Variants in LZTS1 observed in about 807,000 individuals in gnomAD.
LZTS1 encodes the protein leucine zipper tumor suppressor 1.
Under a neutral mutation model 45.8 loss-of-function variants are expected in LZTS1, and 31 were observed. The observed-to-expected ratio is 0.68, with a 90% CI of 0.51 to 0.91. The LOEUF is 0.91. Among genes scored for constraint, LZTS1 ranks in the 40% least tolerant of loss-of-function variants. LZTS1 has a pLI of 0.00. For missense variants in LZTS1, 821 were observed against 788.9 expected (o/e 1.04, Z -0.49); for synonymous variants, 359 against 357.3 (o/e 1.00, Z -0.05).
chr8:20,288,149 T>A (rs1800826368), intron 1 of LZTS1, among the ~76,000 whole-genome samples: 2 of 152,180 alleles, frequency 1.3e-5, no homozygotes, highest in African/African-American at 4.8e-5. Flanking sequence ...GCTTTCCTGG[T>A]GTTGTCAGCT....
Position 20,249,837 on chromosome 8 carries a change from C to G in LZTS1, c.1676G>C (p.Arg559Pro). The change falls in exon 4 of 4, where the codon CGC becomes CCC. Residue 559 changes from arginine to proline, a missense_variant. Coordinates refer to ENST00000381569, the MANE Select transcript of LZTS1 (RefSeq NM_021020.5). ...SYVAMYQRNQ[R>P]LEKALQQLAR... ...CAGCTGCTGCAGGGCCTTCTCCAGG[C>G]GCTGGTTCCGCTGGTACATGGCCAC... The G allele has an allele frequency of 1.2e-6, 2 of 1,614,186 alleles. No individual in the cohort carries two copies. Among genetic ancestry groups the G allele is most frequent in the Admixed American group, 1.7e-5 (1 of 60,030 alleles).
intron 1 of LZTS1, among the ~76,000 whole-genome samples, 185 bp downstream of exon 1, chr8:20,303,555 G>C (rs1156651069): frequency 1.3e-5 from 2 of 151,558 alleles, no homozygotes; most frequent in Non-Finnish European, 2.9e-5. Flanking sequence ...CCACCCTGCA[G>C]AGGGGAGACC....
chr8:20,252,251 G>A (rs1182061431), intron 3 of LZTS1, among the ~76,000 whole-genome samples: 1 of 152,098 alleles, frequency 6.6e-6, no homozygotes, highest in Non-Finnish European at 1.5e-5. Context: ...TCCTCTCCTA[G>A]GTTTCCATCT....
At chr8:20,251,955 G>C (rs1799930431) in intron 3 of LZTS1, among the ~76,000 whole-genome samples, 1 of 152,158 alleles carries the variant, frequency 6.6e-6, no homozygotes, top group African/African-American at 2.4e-5. Flanking sequence ...CTTGCACATA[G>C]CCAGGGGTTT....
intron 1 of LZTS1, among the ~76,000 whole-genome samples, chr8:20,287,042 G>T (rs1800804550): frequency 7.1e-6 from 1 of 140,212 alleles, no homozygotes; most frequent in Non-Finnish European, 1.5e-5. Flanking sequence ...GTTCACCTAT[G>T]GTTTGTGCAC....
Position 20,249,989 on chromosome 8 carries a change from C to G in LZTS1, c.1524G>C (p.Arg508=), listed in dbSNP as rs1337420162. ...PALQRELERL[R]AELREERQGH... ...CTTGCCGCTCCTCCCGCAGCTCGGCCCGCAGCCGCTCCAGCTCCCGCTGCA... is the reference window on the plus strand; with the variant it reads ...CTTGCCGCTCCTCCCGCAGCTCGGCGCGCAGCCGCTCCAGCTCCCGCTGCA... The change falls in exon 4 of 4, where the codon CGG becomes CGC. Residue 508 remains arginine (R), a synonymous_variant. Coordinates refer to ENST00000381569, the MANE Select transcript of LZTS1 (RefSeq NM_021020.5). 6.2e-7 allele frequency: 1 copy of G among 1,613,630 alleles called. No individual in the cohort carries two copies.
chr8:20,253,169 G>A lies in LZTS1; in HGVS notation c.762C>T (p.Ser254=), dbSNP rs1799988456. ...KADKGPSCVR[S]PISTDECSIQ... is the part of the protein sequence containing the mutation. ...TGCTGCACTCGTCCGTGGAGATGGGGGAGCGGACACACGAGGGGCCCTTGT... is the reference window on the plus strand; with the variant it reads ...TGCTGCACTCGTCCGTGGAGATGGGAGAGCGGACACACGAGGGGCCCTTGT... Residue 254 remains serine (S), a synonymous_variant, in exon 3 of 4, where the codon TCC becomes TCT. Transcript: ENST00000381569. 6.2e-7 allele frequency: 1 copy of A among 1,613,322 alleles called. No homozygotes were observed. The highest frequency in any genetic ancestry group is 1.3e-5 in the African/African-American group (1 of 74,936).
At position 20,251,098 on chromosome 8, in the gene LZTS1, A is replaced by AATATAT. The variant is rs527759585; in HGVS notation, c.1150-741_1150-736dup. On this transcript the variant is annotated intron_variant, in intron 3 of 3. Transcript: ENST00000381569. ...TGGTGAAGTGACCAGCCTGAGGGCT[A>AATATAT]ATATATATATATATATATATATATA... Among the ~76,000 whole-genome samples the AATATAT allele has an allele frequency of 5.5e-3, 225 of 40,906 alleles. 2 individuals carry two copies. The highest frequency in any genetic ancestry group is 7.7e-3 in the Non-Finnish European group (133 of 17,372). 26.8% of individuals were successfully genotyped at this position (40,906 alleles called of 152,430 possible). A position where few individuals can be genotyped will look rare whatever the true frequency, so the allele number is the denominator to read the frequency against.
rs1341422048 is a variant in LZTS1, at chr8:20,246,266, C to T, written c.*3456G>A. On this transcript the variant is annotated 3_prime_UTR_variant, in exon 4 of 4. Coordinates refer to ENST00000381569, the MANE Select transcript of LZTS1 (RefSeq NM_021020.5). ...AAGTGACGTCAAAAATAAAATGAAG[C>T]TGTCAAAAGCAAACCAAACCAAACA... 2 of 152,578 alleles carry T rather than the reference C, an allele frequency of 1.3e-5. No homozygotes were observed. The highest frequency in any genetic ancestry group is 2.9e-5 in the Non-Finnish European group (2 of 68,040). The allele number at this position is 152,578 out of a possible 1,614,324, so 9.5% of individuals were successfully genotyped here. A position where few individuals can be genotyped will look rare whatever the true frequency, so the allele number is the denominator to read the frequency against.
At chr8:20,264,904 AGCCCCTGATCTACCAGG>A (rs1441998565) in intron 1 of LZTS1, among the ~76,000 whole-genome samples, 6 of 152,186 alleles carry the variant, frequency 3.9e-5, no homozygotes, top group African/African-American at 1.4e-4. Flanking sequence ...GAGAAAGAGC[AGCCCCTGATCTACCAGG>A]GCACGTGTGG....
At chr8:20,282,169 A>G (rs2898500) in intron 1 of LZTS1, among the ~76,000 whole-genome samples, 41,759 of 152,078 alleles carry the variant, frequency 0.27, 6,216 homozygotes, top group Admixed American at 0.32. Context: ...GTTCTTGGCA[A>G]TACCCTCACT....
intron 3 of LZTS1, 94 bp downstream of exon 3, chr8:20,252,688 G>A (rs1179901849): frequency 2.9e-5 from 35 of 1,214,540 alleles, no homozygotes; most frequent in Non-Finnish European, 3.9e-5. Context: ...TGCGCGGTCT[G>A]TGTTTGCACG....
intron 1 of LZTS1, among the ~76,000 whole-genome samples, chr8:20,301,468 G>A (rs1801075799): frequency 6.6e-6 from 1 of 152,088 alleles, no homozygotes; most frequent in Non-Finnish European, 1.5e-5. Context: ...GGTCTATAAG[G>A]TGCTTACCCA....
intron 1 of LZTS1, among the ~76,000 whole-genome samples, chr8:20,302,572 G>A (rs1396248645): frequency 6.6e-6 from 1 of 152,142 alleles, no homozygotes; most frequent in South Asian, 2.1e-4. Flanking sequence ...GGGCTCCTGG[G>A]CTCCCAGCAT....
chr8:20,295,725 A>G (rs977318595), intron 1 of LZTS1, among the ~76,000 whole-genome samples: 36 of 152,230 alleles, frequency 2.4e-4, no homozygotes, highest in African/African-American at 8.7e-4. Context: ...GGGAGTTCAC[A>G]GAGGGCAGAA....
At chr8:20,251,098 AATATATATATAT>A (rs527759585) in intron 3 of LZTS1, among the ~76,000 whole-genome samples, 62 of 41,388 alleles carry the variant, frequency 1.5e-3, no homozygotes, top group Middle Eastern at 0.012. Flanking sequence ...CCTGAGGGCT[AATATATATATAT>A]ATATATATAT....
At chr8:20,301,667 C>A (rs1006892875) in intron 1 of LZTS1, among the ~76,000 whole-genome samples, 2 of 152,108 alleles carry the variant, frequency 1.3e-5, no homozygotes, top group Non-Finnish European at 2.9e-5. Flanking sequence ...TTGCTATACA[C>A]GCTGACCCAC....
chr8:20,259,360 C>A (rs1333036400), intron 1 of LZTS1, among the ~76,000 whole-genome samples: 1 of 152,166 alleles, frequency 6.6e-6, no homozygotes, highest in African/African-American at 2.4e-5. Context: ...CCTATGACAC[C>A]GCTGGAGGCT....
intron 1 of LZTS1, among the ~76,000 whole-genome samples, chr8:20,266,756 C>G (rs1329362157): frequency 6.6e-6 from 1 of 152,226 alleles, no homozygotes; most frequent in Admixed American, 6.5e-5. Flanking sequence ...GCCAGTTTGT[C>G]TCTGCCCCTA....
Sources: gnomAD v4.1 joint callset for allele counts (sites outside exome capture counted in the v4.1 genomes callset) on GRCh38, gnomAD v4.1.1 for gene constraint, MANE v1.5 for transcripts, NCBI Gene and HGNC (gene_info 2026-07-23, HGNC 2026-07-21) for gene names.